The following SCFD2 variants were observed in gnomAD, a reference collection of about 807,000 sequenced individuals.
SCFD2 encodes sec1 family domain-containing protein 2.
Under a neutral mutation model 58.9 loss-of-function variants are expected in SCFD2, and 54 were observed. That is an observed-to-expected ratio of 0.92 (90% CI 0.74 to 1.15). The LOEUF is 1.15. Among genes scored for constraint, SCFD2 ranks in the 50% most tolerant of loss-of-function variants. The pLI, the probability that SCFD2 is intolerant of heterozygous loss-of-function variation, is 0.00. For synonymous variants in SCFD2, 321 were observed against 335.9 expected, an observed-to-expected ratio of 0.96 and a Z score of 0.49; for missense variants, 805 against 836.6, an observed-to-expected ratio of 0.96 and a Z score of 0.47.
At chr4:53,020,983 C>T (rs1722335802) in intron 5 of SCFD2, among the ~76,000 whole-genome samples, 1 of 152,196 alleles carries the variant, frequency 6.6e-6, no homozygotes, top group African/African-American at 2.4e-5. Flanking sequence ...GCCACCTCAT[C>T]ATGTAACCCT....
At chr4:52,893,298 T>C (rs1267541140) in intron 7 of SCFD2, among the ~76,000 whole-genome samples, 3 of 152,142 alleles carry the variant, frequency 2.0e-5, no homozygotes, top group Middle Eastern at 3.4e-3. Context: ...TTCAAACTCC[T>C]GGGCTCAAGC....
At chr4:53,298,406 C>T (rs1304550323) in intron 3 of SCFD2, among the ~76,000 whole-genome samples, 4 of 152,176 alleles carry the variant, frequency 2.6e-5, no homozygotes, top group African/African-American at 4.8e-5. Context: ...GGAGGGGCGC[C>T]CACCATAGCT....
intron 5 of SCFD2, among the ~76,000 whole-genome samples, chr4:53,075,448 A>G (rs1434218966): frequency 6.6e-6 from 1 of 152,134 alleles, no homozygotes; most frequent in African/African-American, 2.4e-5. Context: ...TGCATTCACA[A>G]CTTGGCTAAC....
chr4:53,239,813 C>T (rs537029355), intron 4 of SCFD2, among the ~76,000 whole-genome samples: 2 of 152,258 alleles, frequency 1.3e-5, no homozygotes, highest in Non-Finnish European at 2.9e-5. Flanking sequence ...ACTTACATTT[C>T]ACTGTATAGA....
At chr4:52,988,355 T>C (rs780896121) in intron 5 of SCFD2, among the ~76,000 whole-genome samples, 8 of 152,266 alleles carry the variant, frequency 5.3e-5, no homozygotes, top group Middle Eastern at 6.8e-3. Context: ...CTGGATCCCA[T>C]TGAATAATTT....
At chr4:52,950,649 T>C (rs1178686193) in intron 5 of SCFD2, 2 of 152,248 alleles carry the variant, frequency 1.3e-5, no homozygotes, top group Non-Finnish European at 2.9e-5. Flanking sequence ...AAACCCAGAA[T>C]GGACTCTCAA....
At chr4:53,297,577 C>T (rs540285363) in intron 3 of SCFD2, among the ~76,000 whole-genome samples, 16 of 152,188 alleles carry the variant, frequency 1.1e-4, no homozygotes, top group Middle Eastern at 3.4e-3. Flanking sequence ...CTCCGGAATA[C>T]GGCACAACAA....
intron 5 of SCFD2, among the ~76,000 whole-genome samples, chr4:53,061,546 C>T (rs753251629): frequency 5.3e-5 from 8 of 152,110 alleles, no homozygotes; most frequent in Non-Finnish European, 1.2e-4. Context: ...GACAGGAGGA[C>T]TACAAATCAG....
intron 5 of SCFD2, among the ~76,000 whole-genome samples, chr4:53,017,299 C>G (rs140094749): frequency 1.3e-5 from 2 of 151,886 alleles, no homozygotes; most frequent in East Asian, 1.9e-4. Context: ...AATAAACGTG[C>G]GAAACATTCA....
At chr4:53,048,009 A>C in intron 5 of SCFD2, among the ~76,000 whole-genome samples, 1 of 152,170 alleles carries the variant, frequency 6.6e-6, no homozygotes, top group African/African-American at 2.4e-5. Flanking sequence ...TACCCAGTGC[A>C]CAAGACCCAG....
chr4:52,944,661 T>C (rs1043938887), intron 5 of SCFD2, among the ~76,000 whole-genome samples: 1 of 152,254 alleles, frequency 6.6e-6, no homozygotes, highest in Non-Finnish European at 1.5e-5. Flanking sequence ...TCTTTTCACA[T>C]GTTTAACATA....
chr4:52,921,538 T>A (rs946329534), intron 5 of SCFD2, among the ~76,000 whole-genome samples: 1 of 152,220 alleles, frequency 6.6e-6, no homozygotes, highest in Non-Finnish European at 1.5e-5. Context: ...TATGTCTTCT[T>A]ACCTCTCCCA....
chr4:53,171,369 G>A (rs1727172488), intron 4 of SCFD2, among the ~76,000 whole-genome samples: 1 of 152,172 alleles, frequency 6.6e-6, no homozygotes, highest in South Asian at 2.1e-4. Flanking sequence ...AATCCAACTT[G>A]TTCATTGTGA....
In SCFD2 at chr4:53,277,532, A is replaced by G. The variant is rs143788039; in HGVS notation, c.1136-3531T>C. Among the ~76,000 whole-genome samples, 1,299 of 152,292 alleles carry G rather than the reference A, an allele frequency of 8.5e-3. 12 individuals are homozygous for G. The highest frequency in any genetic ancestry group is 0.03 in the African/African-American group (1,236 of 41,544). ...AATACAAAATGTCTTGAAGGTGTGA[A>G]AGGCTCTACATGATATGAAAACTGC... On this transcript the variant is annotated intron_variant, in intron 3 of 8. Coordinates refer to ENST00000401642, the MANE Select transcript of SCFD2 (RefSeq NM_152540.4).
At chr4:53,299,414 G>A (rs948174742) in intron 3 of SCFD2, among the ~76,000 whole-genome samples, 2 of 152,050 alleles carry the variant, frequency 1.3e-5, no homozygotes, top group Admixed American at 6.6e-5. Flanking sequence ...AAAAAGAAAC[G>A]AACAAAGCCT....
chr4:53,343,189 T>C (rs992218072), intron 2 of SCFD2, among the ~76,000 whole-genome samples: 1 of 151,888 alleles, frequency 6.6e-6, no homozygotes, highest in Admixed American at 6.6e-5. Context: ...TCTGAAAAGA[T>C]CAACAAAATT....
intron 7 of SCFD2, among the ~76,000 whole-genome samples, chr4:52,895,753 T>A (rs1718991781): frequency 6.6e-6 from 1 of 152,214 alleles, no homozygotes; most frequent in African/African-American, 2.4e-5. Context: ...TCACACCGAT[T>A]TCCACAGTGG....
At chr4:52,935,517 C>T (rs1346181867) in intron 5 of SCFD2, among the ~76,000 whole-genome samples, 2 of 152,088 alleles carry the variant, frequency 1.3e-5, no homozygotes, top group African/African-American at 4.8e-5. Context: ...GTCAAACATC[C>T]TTGATGTTGT....
chr4:53,252,632 G>A (rs1184419926), intron 4 of SCFD2, among the ~76,000 whole-genome samples: 1 of 151,810 alleles, frequency 6.6e-6, no homozygotes, highest in Non-Finnish European at 1.5e-5. Flanking sequence ...CAAGCAATGG[G>A]GAAAGGATTC....
Sources: allele counts gnomAD v4.1 joint callset (sites outside exome capture counted in the v4.1 genomes callset), GRCh38; gene constraint gnomAD v4.1.1; transcripts MANE v1.5; gene names NCBI Gene and HGNC (gene_info 2026-07-23, HGNC 2026-07-21).